The following DNAH10 variants were observed in gnomAD, a reference collection of about 807,000 sequenced individuals.
The protein encoded by DNAH10 is dynein axonemal heavy chain 10.
A neutral mutation model predicts 506.6 loss-of-function variants in DNAH10; 348 were observed. The observed-to-expected ratio is 0.69, with a 90% CI of 0.63 to 0.75. The LOEUF (loss-of-function observed/expected upper bound fraction) is 0.75. Among genes scored for constraint, DNAH10 ranks in the 30% least tolerant of loss-of-function variants. The pLI is 0.00. For missense variants in DNAH10, 5,179 were observed against 5,787.1 expected, an observed-to-expected ratio of 0.89 and a Z score of 3.41; for synonymous variants, 2,059 against 2,198.6, an observed-to-expected ratio of 0.94 and a Z score of 1.78.
At chr12:123,827,790 A>T (rs1960142460) in intron 25 of DNAH10, among the ~76,000 whole-genome samples, 1 of 152,162 alleles carries the variant, frequency 6.6e-6, no homozygotes, top group African/African-American at 2.4e-5. Flanking sequence ...AACACCTGTT[A>T]CATCTGTCTC....
At chr12:123,806,459 T>G (rs1439133455) in intron 18 of DNAH10, among the ~76,000 whole-genome samples, 3 of 152,186 alleles carry the variant, frequency 2.0e-5, no homozygotes, top group Non-Finnish European at 4.4e-5. Flanking sequence ...CCTGAAATGG[T>G]GTCTGATTAG....
chr12:123,874,325 A>G (rs765939473), intron 46 of DNAH10, among the ~76,000 whole-genome samples: 2 of 147,276 alleles, frequency 1.4e-5, no homozygotes, highest in African/African-American at 2.5e-5. Flanking sequence ...TCATTCATCT[A>G]TCAGTCTGTT....
At chr12:123,840,091 C>T (rs1950713832) in intron 29 of DNAH10, among the ~76,000 whole-genome samples, 1 of 151,932 alleles carries the variant, frequency 6.6e-6, no homozygotes, top group Admixed American at 6.6e-5. Flanking sequence ...CATTACAGGA[C>T]ATTACGTAGC....
chr12:123,786,339 ATT>A (rs528766304), intron 9 of DNAH10, among the ~76,000 whole-genome samples: 3 of 138,576 alleles, frequency 2.2e-5, no homozygotes, highest in Non-Finnish European at 3.2e-5. Flanking sequence ...AGTACAATTC[ATT>A]TTTTTTTTTT....
chr12:123,801,004 G>A lies in DNAH10; in HGVS notation c.2463-277G>A, dbSNP rs767204646. On this transcript the variant is annotated intron_variant, in intron 15 of 78. Coordinates refer to ENST00000673944, the MANE Select transcript of DNAH10 (RefSeq NM_001372106.1). Reference sequence around the variant, plus strand: ...TGCACTCCAGCCTAGGCGACAGAGCGAGACTCCATCTCAAAAAAAAAAAGA... The same window carrying A: ...TGCACTCCAGCCTAGGCGACAGAGCAAGACTCCATCTCAAAAAAAAAAAGA... 7.9e-5 allele frequency among the ~76,000 whole-genome samples: 12 copies of A among 151,656 alleles called. No homozygotes were observed. In the Middle Eastern group the frequency reaches 0.014, roughly 172 times the overall value.
chr12:123,856,954 A>C (rs941758455), intron 36 of DNAH10, 102 bp from the exon 37 acceptor site: 1 of 700,052 alleles, frequency 1.4e-6, no homozygotes, highest in African/African-American at 1.9e-5. Context: ...TAAAAATTAT[A>C]TTTTATATTT....
chr12:123,820,532 A>G (rs775929961), intron 23 of DNAH10, 48 bp from the exon 24 acceptor site: 61 of 1,553,126 alleles, frequency 3.9e-5, no homozygotes, highest in Non-Finnish European at 4.7e-5. Flanking sequence ...TCAATTTTGT[A>G]CACCTTAAAA....
rs1399694626 is a variant in DNAH10, at chr12:123,857,036, ATG to A, written c.6439-16_6439-15del. ...GTTCCTTTGGAAATCTCTTGGAAACATGTGTTTCATTTCCTGCAGGACGTGGT... is the reference window on the plus strand; with the variant it reads ...GTTCCTTTGGAAATCTCTTGGAAACATGTTTCATTTCCTGCAGGACGTGGT... On this transcript the variant is annotated intron_variant, in intron 36 of 78. Transcript: ENST00000673944. 1.9e-6 allele frequency: 3 copies of A among 1,593,930 alleles called. No homozygotes were observed. Among genetic ancestry groups the A allele is most frequent in the Non-Finnish European group, 2.6e-6 (3 of 1,169,736 alleles).
At chr12:123,896,148 C>CAGAGAGAGAGAGAG (rs71444923) in intron 54 of DNAH10, among the ~76,000 whole-genome samples, 2 of 95,272 alleles carry the variant, frequency 2.1e-5, no homozygotes, top group African/African-American at 1.0e-4. Flanking sequence ...CACACACACA[C>CAGAGAGAGAGAGAG]AGAGAGAGAG....
chr12:123,910,524 G>A lies in DNAH10; in HGVS notation c.9998-12G>A, dbSNP rs372394800. ...TTGCCACTCATAAAAATTATTGCAT[G>A]TTTCACGTTAGGCCTCTTGAAGACT... On this transcript the variant is annotated splice_polypyrimidine_tract_variant and intron_variant, in intron 58 of 78. Coordinates refer to ENST00000673944, the MANE Select transcript of DNAH10 (RefSeq NM_001372106.1). The A allele has an allele frequency of 1.0e-4, 162 of 1,604,164 alleles. No homozygotes were observed. Among genetic ancestry groups the A allele is most frequent in the Non-Finnish European group, 1.2e-4 (146 of 1,174,822 alleles).
chr12:123,893,632 T>C (rs114140945), intron 53 of DNAH10, among the ~76,000 whole-genome samples, 196 bp downstream of exon 53: 11,658 of 152,270 alleles, frequency 0.077, 530 homozygotes, highest in African/African-American at 0.13. Flanking sequence ...GATGTCCCTC[T>C]GACAGGAGGA....
At chr12:123,818,857 C>A (rs1383240985) in intron 21 of DNAH10, 93 bp from the exon 22 acceptor site, 6 of 826,292 alleles carry the variant, frequency 7.3e-6, no homozygotes, top group Non-Finnish European at 1.2e-5. Flanking sequence ...TTGCCACAAG[C>A]AGAAGTCCCT....
rs1445076220 is a variant in DNAH10, at chr12:123,913,830, T to G, written c.10353-499T>G. On this transcript the variant is annotated intron_variant, in intron 60 of 78. Coordinates refer to ENST00000673944, the MANE Select transcript of DNAH10 (RefSeq NM_001372106.1). The surrounding 1 kb of genome is among the most constrained non-coding windows in gnomAD (Gnocchi z 5.1). ...ATTTTGAATCTAGCATCTGTAAGTG[T>G]GGTGTAGAAAACACTGAAAAATGTT... Among the ~76,000 whole-genome samples, 2 of 152,232 alleles carry G rather than the reference T, an allele frequency of 1.3e-5. No individual in the cohort carries two copies. Among genetic ancestry groups the G allele is most frequent in the African/African-American group, 4.8e-5 (2 of 41,450 alleles).
chr12:123,926,501 A>G lies in DNAH10; in HGVS notation c.11922-136A>G, dbSNP rs945095790. 2 of 892,044 alleles carry G rather than the reference A, an allele frequency of 2.2e-6. No individual in the cohort carries two copies. The highest frequency in any genetic ancestry group is 1.7e-5 in the African/African-American group (1 of 58,558). The allele number at this position is 892,044 out of a possible 1,614,324, so 55.3% of individuals were successfully genotyped here. A position where few individuals can be genotyped will look rare whatever the true frequency, so the allele number is the denominator to read the frequency against. On this transcript the variant is annotated intron_variant, in intron 68 of 78. Coordinates refer to ENST00000673944, the MANE Select transcript of DNAH10 (RefSeq NM_001372106.1). This position sits in a 1 kb window ranked among gnomAD's most constrained non-coding sequence, Gnocchi z 4.1. ...TAGAAACTAGAATCTAAAACAGGGA[A>G]GACTGCAACGAGCTATCCCAGAGGA...
rs1192775998 is a variant in DNAH10 at position 123,934,784 on chromosome 12, T to C, written c.13623+18T>C. 2 of 1,612,780 alleles carry C rather than the reference T, an allele frequency of 1.2e-6. No individual in the cohort carries two copies. Among genetic ancestry groups the C allele is most frequent in the Admixed American group, 3.3e-5 (2 of 59,984 alleles). ...AGCTGCAGGTGAAGGTCCCAGCCCC[T>C]CCTCTCTGACACCAGGGCCCTTCCT... On this transcript the variant is annotated intron_variant, in intron 78 of 78. Transcript: ENST00000673944.
chr12:123,800,790 G>A (rs926213327), intron 15 of DNAH10, among the ~76,000 whole-genome samples: 3 of 152,150 alleles, frequency 2.0e-5, no homozygotes, highest in South Asian at 2.1e-4. Flanking sequence ...AGGCCGAGGC[G>A]GGCAGATCAT....
chr12:123,815,523 T>C lies in DNAH10; in HGVS notation c.3780+1611T>C, dbSNP rs1959113923. ...GTTTCTTTTTCTCACCTTATGACTC[T>C]AGCTAGGAATTCCTGTACGAGGCTG... On this transcript the variant is annotated intron_variant, in intron 21 of 78. Transcript: ENST00000673944. Among the ~76,000 whole-genome samples, 4 of 152,328 alleles carry C rather than the reference T, an allele frequency of 2.6e-5. No homozygotes were observed. In the South Asian group the frequency reaches 8.3e-4, roughly 32 times the overall value.
rs1953942574 is a variant in DNAH10 at position 123,909,059 on chromosome 12, T to C, written c.9816-202T>C. 6.6e-6 allele frequency among the ~76,000 whole-genome samples: 1 copy of C among 152,150 alleles called. No homozygotes were observed. The highest frequency in any genetic ancestry group is 1.5e-5 in the Non-Finnish European group (1 of 68,006). On this transcript the variant is annotated intron_variant, in intron 57 of 78. Transcript: ENST00000673944. This position sits in a 1 kb window ranked among gnomAD's most constrained non-coding sequence, Gnocchi z 5.4. The stretch of plus-strand genomic sequence containing the variant: ...CATTCCAGGCGCCTGGTCTGGAACC[T>C]GAGAGGGGGACCCGGCCCTGCCCTT...
Position 123,826,668 on chromosome 12 carries a change from G to A in DNAH10, c.4180-19G>A, listed in dbSNP as rs764273479. 8.1e-6 allele frequency: 13 copies of A among 1,609,854 alleles called. No homozygotes were observed. The highest frequency in any genetic ancestry group is 3.8e-4 in the Middle Eastern group (2 of 5,234). On this transcript the variant is annotated intron_variant, in intron 24 of 78. Coordinates refer to ENST00000673944, the MANE Select transcript of DNAH10 (RefSeq NM_001372106.1). ...CAAAGGGGTCTTTGTTGATGGAGCT[G>A]TTCCTTGCACGTTTCCAGGTTGCAA...
Sources: allele counts gnomAD v4.1 joint callset (sites outside exome capture counted in the v4.1 genomes callset), GRCh38; gene constraint gnomAD v4.1.1; non-coding constraint Gnocchi (gnomAD v3.1); transcripts MANE v1.5; gene names NCBI Gene and HGNC (gene_info 2026-07-23, HGNC 2026-07-21).